ACO2: variants seen among roughly 807,000 people sequenced by gnomAD.
ACO2 encodes the protein aconitate hydratase, mitochondrial.
In ACO2, 31 loss-of-function variants were observed where a neutral mutation model predicts 84.5. The observed-to-expected ratio is 0.37, with a 90% CI of 0.28 to 0.50. ACO2 has a LOEUF of 0.50. Ranked by LOEUF, ACO2 falls within the 20% of genes least tolerant of loss-of-function variation. The pLI is 0.97. For missense variants in ACO2, 685 were observed against 1,029.3 expected, an observed-to-expected ratio of 0.67 and a Z score of 4.58; for synonymous variants, 414 against 412.7, an observed-to-expected ratio of 1.00 and a Z score of -0.04.
intron 1 of ACO2, among the ~76,000 whole-genome samples, chr22:41,474,163 A>G (rs143592878): frequency 6.6e-6 from 1 of 151,972 alleles, no homozygotes; most frequent in Non-Finnish European, 1.5e-5. Flanking sequence ...AAATTGGGAT[A>G]TATTTGGAGG....
intron 8 of ACO2, among the ~76,000 whole-genome samples, chr22:41,519,024 G>T (rs776203055): frequency 6.6e-6 from 1 of 152,176 alleles, no homozygotes; most frequent in Non-Finnish European, 1.5e-5. Context: ...TCCTGAAGCA[G>T]CCTGGAGCAG....
At chr22:41,508,720 G>A (rs1483154504) in intron 3 of ACO2, among the ~76,000 whole-genome samples, 3 of 152,182 alleles carry the variant, frequency 2.0e-5, no homozygotes, top group East Asian at 3.9e-4. Context: ...CTTCTCCCAG[G>A]CTCGGCTTGT....
Position 41,511,888 on chromosome 22 carries a change from G to C in ACO2, c.445G>C (p.Glu149Gln). The C allele has an allele frequency of 6.2e-7, 1 of 1,609,416 alleles. No individual in the cohort carries two copies. The highest frequency in any genetic ancestry group is 8.5e-7 in the Non-Finnish European group (1 of 1,178,336). ...TTTGTCTCAATAGGACATCAACCAG[G>C]AAGTTTATAATTTCCTGGCAACTGC... ...DLRRAKDINQEVYNFLATAGA... is the reference protein window; with the variant it reads ...DLRRAKDINQQVYNFLATAGA... Residue 149 changes from glutamate to glutamine, a missense_variant, in exon 4 of 18, where the codon GAA becomes CAA. This residue lies in a region of ACO2 where 92 missense variants were observed against 203.7 expected (regional missense o/e 0.45). Transcript: ENST00000216254.
At chr22:41,490,483 C>T (rs1306061516) in intron 1 of ACO2, among the ~76,000 whole-genome samples, 2 of 152,138 alleles carry the variant, frequency 1.3e-5, no homozygotes, top group African/African-American at 2.4e-5. Flanking sequence ...GGTGCATGAG[C>T]CAGAATTTAT....
intron 16 of ACO2, chr22:41,527,645 G>C: frequency 1.3e-6 from 1 of 797,268 alleles, no homozygotes; most frequent in Non-Finnish European, 1.9e-6. Flanking sequence ...GAGCCGCTGA[G>C]ATCTAGGACA....
At chr22:41,474,518 C>A (rs565314271) in intron 1 of ACO2, among the ~76,000 whole-genome samples, 1 of 148,266 alleles carries the variant, frequency 6.7e-6, no homozygotes, top group East Asian at 2.0e-4. Flanking sequence ...TGGTCTCAAT[C>A]TCCTGACCTC....
In ACO2 at chr22:41,528,772, G is replaced by C; in HGVS notation, c.*159G>C. On this transcript the variant is annotated 3_prime_UTR_variant, in exon 18 of 18. Coordinates refer to ENST00000216254, the MANE Select transcript of ACO2 (RefSeq NM_001098.3). The stretch of plus-strand genomic sequence containing the variant: ...CCCACGGAGTGACTGTGGTTGTGGT[G>C]GGGGGGTTCTTAAAATAACTTTTTA... The C allele has an allele frequency of 3.7e-6, 4 of 1,083,156 alleles. No homozygotes were observed. The highest frequency in any genetic ancestry group is 5.1e-6 in the Non-Finnish European group (4 of 786,732). 67.1% of individuals were successfully genotyped at this position (1,083,156 alleles called of 1,614,324 possible).
intron 2 of ACO2, among the ~76,000 whole-genome samples, chr22:41,502,003 C>G (rs1346849468): frequency 6.6e-6 from 1 of 152,114 alleles, no homozygotes; most frequent in Non-Finnish European, 1.5e-5. Context: ...TTGTTGCTTT[C>G]CATCTCTGCC....
At position 41,469,130 on chromosome 22, in the gene ACO2, C is replaced by T; in HGVS notation, c.-17C>T. The T allele has an allele frequency of 6.2e-7, 1 of 1,608,006 alleles. No individual in the cohort carries two copies. Among genetic ancestry groups the T allele is most frequent in the South Asian group, 1.1e-5 (1 of 90,500 alleles). ...GGACGTCACTTTAATGCGACCTCAT[C>T]TTTGTCAGTGCACAAAATGGCGCCC... On this transcript the variant is annotated 5_prime_UTR_variant, in exon 1 of 18. Coordinates refer to ENST00000216254, the MANE Select transcript of ACO2 (RefSeq NM_001098.3).
chr22:41,489,571 G>C (rs1479460259), intron 1 of ACO2, among the ~76,000 whole-genome samples: 3 of 152,110 alleles, frequency 2.0e-5, no homozygotes, highest in Non-Finnish European at 2.9e-5. Context: ...TTTTCCTGTA[G>C]AATGTCCACC....
At chr22:41,474,613 T>G (rs2037987880) in intron 1 of ACO2, among the ~76,000 whole-genome samples, 1 of 129,276 alleles carries the variant, frequency 7.7e-6, no homozygotes, top group South Asian at 2.5e-4. Context: ...TTTTTTTTTT[T>G]TTTGAGACGG....
chr22:41,479,846 G>A (rs754309030), intron 1 of ACO2, among the ~76,000 whole-genome samples: 14 of 152,222 alleles, frequency 9.2e-5, no homozygotes, highest in Admixed American at 3.9e-4. Flanking sequence ...CATAGTGTAC[G>A]ACTGATGTAG....
chr22:41,499,616 C>G (rs2066339175), intron 1 of ACO2, 110 bp from the exon 2 acceptor site: 1 of 1,220,208 alleles, frequency 8.2e-7, no homozygotes, highest in Non-Finnish European at 1.1e-6. Flanking sequence ...AGTTACTGAA[C>G]AGCTCTTGAC....
chr22:41,505,234 C>G (rs1357799981), intron 2 of ACO2, among the ~76,000 whole-genome samples: 1 of 151,972 alleles, frequency 6.6e-6, no homozygotes, highest in African/African-American at 2.4e-5. Flanking sequence ...AGTGAAAACC[C>G]ATTTCTACAA....
intron 6 of ACO2, 157 bp from the exon 7 acceptor site, chr22:41,517,370 G>T (rs1033270488): frequency 3.1e-6 from 2 of 639,452 alleles, no homozygotes; most frequent in Non-Finnish European, 2.8e-6. Flanking sequence ...TTTACCCAGG[G>T]CCTCAAGGGA....
chr22:41,516,156 CTG>C (rs1259098437), intron 6 of ACO2: 3 of 638,760 alleles, frequency 4.7e-6, no homozygotes, highest in Non-Finnish European at 8.3e-6. Context: ...GACTTCCTAA[CTG>C]TGTGGCCACA....
intron 1 of ACO2, among the ~76,000 whole-genome samples, chr22:41,492,954 A>G (rs1350131449): frequency 6.6e-6 from 1 of 152,162 alleles, no homozygotes; most frequent in African/African-American, 2.4e-5. Flanking sequence ...CAAAAAAAGA[A>G]AAGAAAAGAA....
chr22:41,514,468 G>C (rs1044417570), intron 4 of ACO2, among the ~76,000 whole-genome samples: 3 of 152,224 alleles, frequency 2.0e-5, no homozygotes. Context: ...TGAGCTCCGA[G>C]AGAAGTGACT....
At position 41,507,798 on chromosome 22, in the gene ACO2, C is replaced by G. The variant is rs773229850; in HGVS notation, c.181C>G (p.Arg61Gly). Residue 61 changes from arginine to glycine, a missense_variant, in exon 3 of 18, where the codon CGG (arginine) becomes GGG (glycine). Around this residue, in one of 5 missense-constraint regions of ACO2, gnomAD observed 98 missense variants for 107.6 expected, o/e 0.91. Transcript: ENST00000216254. Reference sequence around the variant, plus strand: ...CTGCTCTTCTCCCCACAGACTGAACCGGCCGCTGACACTCTCGGAGAAGAT... The same window carrying G: ...CTGCTCTTCTCCCCACAGACTGAACGGGCCGCTGACACTCTCGGAGAAGAT... ...NINIVRKRLN[R>G]PLTLSEKIVY... 1 of 1,613,476 alleles carries G rather than the reference C, an allele frequency of 6.2e-7. No homozygotes were observed. Among genetic ancestry groups the G allele is most frequent in the South Asian group, 1.1e-5 (1 of 91,006 alleles).
Sources: allele counts gnomAD v4.1 joint callset (sites outside exome capture counted in the v4.1 genomes callset), GRCh38; gene constraint gnomAD v4.1.1; regional missense constraint gnomAD v4.1.1; transcripts MANE v1.5; gene names NCBI Gene and HGNC (gene_info 2026-07-23, HGNC 2026-07-21).